Variants in USH2A observed in about 807,000 individuals in gnomAD.
USH2A encodes Usher syndrome 2A (autosomal recessive, mild).
A neutral mutation model predicts 538.9 loss-of-function variants in USH2A; 443 were observed. The ratio of observed to expected loss-of-function variants is 0.82; its 90% CI spans 0.76 to 0.89. The LOEUF is 0.89. USH2A is among the 40% of genes least tolerant of loss of function. USH2A has a pLI of 0.00. For missense variants in USH2A, 6,633 were observed against 6,324.8 expected (o/e 1.05, Z -1.65); for synonymous variants, 2,413 against 2,273.5 (o/e 1.06, Z -1.75).
At position 216,115,112 on chromosome 1, in the gene USH2A, TTTTTGTTTTGTTTTG is replaced by T. The variant is rs144536893; in HGVS notation, c.4628-17914_4628-17900del. 1.7e-3 allele frequency among the ~76,000 whole-genome samples: 259 copies of T among 148,564 alleles called. 1 individual carries two copies. The highest frequency in any genetic ancestry group is 4.5e-3 in the African/African-American group (181 of 40,284). On this transcript the variant is annotated intron_variant, in intron 21 of 71. Coordinates refer to ENST00000307340, the MANE Select transcript of USH2A (RefSeq NM_206933.4). Reference sequence around the variant, plus strand: ...CCTTACATACCAAGATATTTATTTATTTTTGTTTTGTTTTGTTTTGTTTTGTTTTGTTTTGTTTGA... The same window carrying T: ...CCTTACATACCAAGATATTTATTTATTTTTGTTTTGTTTTGTTTTGTTTGA...
intron 11 of USH2A, among the ~76,000 whole-genome samples, chr1:216,279,395 C>A (rs1209865165): frequency 1.3e-5 from 2 of 152,080 alleles, no homozygotes; most frequent in African/African-American, 4.8e-5. Context: ...CCACAACTGA[C>A]CAAGAGTATA....
chr1:215,824,198 G>A (rs529764728), intron 47 of USH2A, among the ~76,000 whole-genome samples: 14 of 152,014 alleles, frequency 9.2e-5, no homozygotes, highest in Admixed American at 7.9e-4. Context: ...TTCTTTTGGA[G>A]CATCCTCTCA....
At chr1:216,361,448 T>C (rs1327530859) in intron 4 of USH2A, among the ~76,000 whole-genome samples, 2 of 152,096 alleles carry the variant, frequency 1.3e-5, no homozygotes, top group African/African-American at 4.8e-5. Context: ...ACAAATACCA[T>C]CAAGAGAATG....
intron 67 of USH2A, among the ~76,000 whole-genome samples, chr1:215,645,062 T>C (rs560484262): frequency 6.6e-6 from 1 of 152,206 alleles, no homozygotes; most frequent in South Asian, 2.1e-4. Context: ...ATGGGGTATA[T>C]GCAGGTAGCT....
At chr1:215,995,754 T>A (rs1668120263) in intron 34 of USH2A, among the ~76,000 whole-genome samples, 1 of 152,210 alleles carries the variant, frequency 6.6e-6, no homozygotes, top group Non-Finnish European at 1.5e-5. Context: ...TTACAGCCAT[T>A]TTGAAAAATT....
chr1:216,192,250 T>C (rs1284714653), intron 19 of USH2A, among the ~76,000 whole-genome samples: 1 of 152,124 alleles, frequency 6.6e-6, no homozygotes, highest in African/African-American at 2.4e-5. Flanking sequence ...TTTTGGCTAT[T>C]TATTTACAAA....
chr1:216,027,248 G>T (rs1437819418), intron 32 of USH2A, among the ~76,000 whole-genome samples: 1 of 152,084 alleles, frequency 6.6e-6, no homozygotes, highest in Non-Finnish European at 1.5e-5. Context: ...ATTTGGATGG[G>T]AATAAAGACA....
intron 26 of USH2A, among the ~76,000 whole-genome samples, chr1:216,083,082 T>C (rs560054034): frequency 1.3e-5 from 2 of 152,112 alleles, no homozygotes; most frequent in East Asian, 3.9e-4. Flanking sequence ...GTTCACTATA[T>C]TATTATACTT....
At position 216,086,758 on chromosome 1, in the gene USH2A, C is replaced by A; in HGVS notation, c.4948G>T (p.Gly1650Trp). Residue 1650 changes from glycine to tryptophan, a missense_variant, in exon 24 of 72, where the codon GGG (glycine) becomes TGG (tryptophan). By Grantham distance (184) the Gly-to-Trp change is radical. Coordinates refer to ENST00000307340, the MANE Select transcript of USH2A (RefSeq NM_206933.4). ...IGDNTGVFLG[G>W]LPRSYTILRK... ...AGGATGGTATAACTTCGCGGGAGCCCTCCCAGAAAGACTCCTGTGTTATCT... is the reference window on the plus strand; with the variant it reads ...AGGATGGTATAACTTCGCGGGAGCCATCCCAGAAAGACTCCTGTGTTATCT... 6.2e-7 allele frequency: 1 copy of A among 1,613,054 alleles called. No individual in the cohort carries two copies. The highest frequency in any genetic ancestry group is 1.3e-5 in the African/African-American group (1 of 74,982).
Position 215,643,344 on chromosome 1 carries a change from C to T in USH2A, c.14792-2610G>A, listed in dbSNP as rs113866596. On this transcript the variant is annotated intron_variant, in intron 67 of 71. Coordinates refer to ENST00000307340, the MANE Select transcript of USH2A (RefSeq NM_206933.4). Reference sequence around the variant, plus strand: ...ATTCTCTGGTGCATGTTTTCGTGCTCCCAGTATTTATAATGAGTTAAAAGT... The same window carrying T: ...ATTCTCTGGTGCATGTTTTCGTGCTTCCAGTATTTATAATGAGTTAAAAGT... 1.5e-3 allele frequency among the ~76,000 whole-genome samples: 227 copies of T among 152,026 alleles called. 1 individual carries two copies. Among genetic ancestry groups the T allele is most frequent in the African/African-American group, 5.4e-3 (222 of 41,442 alleles).
intron 49 of USH2A, among the ~76,000 whole-genome samples, chr1:215,810,533 T>G (rs1571709254): frequency 1.3e-5 from 2 of 152,118 alleles, no homozygotes; most frequent in East Asian, 1.9e-4. Flanking sequence ...ACATAAAAAT[T>G]TTAATGTGAT....
chr1:215,970,117 T>C (rs549004188), intron 36 of USH2A, among the ~76,000 whole-genome samples: 24 of 152,298 alleles, frequency 1.6e-4, no homozygotes, highest in African/African-American at 5.8e-4. Context: ...AAAGCTGATA[T>C]TGATGTAATT....
chr1:216,207,163 CTG>C, intron 16 of USH2A, 108 bp downstream of exon 16: 1 of 1,339,582 alleles, frequency 7.5e-7, no homozygotes, highest in Non-Finnish European at 1.1e-6. Flanking sequence ...TTGAAACACT[CTG>C]TGCCAGACAG....
chr1:216,041,690 G>A (rs960162249), intron 32 of USH2A, among the ~76,000 whole-genome samples: 5 of 151,982 alleles, frequency 3.3e-5, no homozygotes, highest in Non-Finnish European at 7.4e-5. Flanking sequence ...AGGATAGCTC[G>A]TGGAGAAGTC....
At chr1:215,909,258 A>C (rs1665714464) in intron 38 of USH2A, among the ~76,000 whole-genome samples, 1 of 151,928 alleles carries the variant, frequency 6.6e-6, no homozygotes, top group South Asian at 2.1e-4. Context: ...AGAGACGATA[A>C]AAAGTGATCA....
intron 37 of USH2A, among the ~76,000 whole-genome samples, chr1:215,941,273 G>C (rs1328517484): frequency 6.6e-6 from 1 of 151,932 alleles, no homozygotes; most frequent in African/African-American, 2.4e-5. Flanking sequence ...TATATATAAA[G>C]TTCACTACGA....
chr1:216,401,492 C>T (rs1274741453), intron 3 of USH2A, among the ~76,000 whole-genome samples: 1 of 151,790 alleles, frequency 6.6e-6, no homozygotes, highest in Non-Finnish European at 1.5e-5. Flanking sequence ...CAGAGATTAG[C>T]AGAGTGTATT....
intron 37 of USH2A, among the ~76,000 whole-genome samples, chr1:215,953,064 A>G (rs1666963676): frequency 6.6e-6 from 1 of 152,144 alleles, no homozygotes; most frequent in Non-Finnish European, 1.5e-5. Context: ...GAAATAAAAG[A>G]GGATACAAAC....
chr1:215,958,303 A>G (rs1667118386), intron 37 of USH2A, among the ~76,000 whole-genome samples: 2 of 152,154 alleles, frequency 1.3e-5, no homozygotes, highest in South Asian at 2.1e-4. Flanking sequence ...GAGCATTTGA[A>G]TATACTGACA....
Sources: gnomAD v4.1 joint callset for allele counts (sites outside exome capture counted in the v4.1 genomes callset) on GRCh38, gnomAD v4.1.1 for gene constraint, MANE v1.5 for transcripts, NCBI Gene and HGNC (gene_info 2026-07-23, HGNC 2026-07-21) for gene names.